Variants in NDUFS6 observed in about 807,000 individuals in gnomAD.
NDUFS6 encodes NADH:ubiquinone oxidoreductase subunit S6, also known as NADH dehydrogenase [ubiquinone] iron-sulfur protein 6, mitochondrial.
NDUFS6 carries 14 observed loss-of-function variants against 13.2 expected under a neutral mutation model. That is an observed-to-expected ratio of 1.06 (90% CI 0.70 to 1.66). NDUFS6 has a LOEUF of 1.66. NDUFS6 is among the 40% of genes most tolerant of loss of function. The pLI is 0.00. For synonymous variants in NDUFS6, 95 were observed against 72.3 expected, an observed-to-expected ratio of 1.31 and a Z score of -1.60; for missense variants, 206 against 170.8, an observed-to-expected ratio of 1.21 and a Z score of -1.15.
At chr5:1,810,327 T>A (rs1047341816) in intron 2 of NDUFS6, among the ~76,000 whole-genome samples, 1 of 152,238 alleles carries the variant, frequency 6.6e-6, no homozygotes, top group African/African-American at 2.4e-5. Context: ...ATCCCTGGGC[T>A]TAGAGGCCTG....
chr5:1,805,556 C>T (rs1008642354), intron 2 of NDUFS6, among the ~76,000 whole-genome samples: 9 of 152,212 alleles, frequency 5.9e-5, no homozygotes, highest in Admixed American at 2.6e-4. Context: ...ATGTGCCAGC[C>T]ACCCCCAGCC....
Position 1,816,007 on chromosome 5 carries a change from G to A in NDUFS6, c.*91G>A. The A allele has an allele frequency of 2.2e-6, 3 of 1,352,854 alleles. No homozygotes were observed. The highest frequency in any genetic ancestry group is 3.2e-6 in the Non-Finnish European group (3 of 941,690). 83.8% of individuals were successfully genotyped at this position (1,352,854 alleles called of 1,614,324 possible). A position where few individuals can be genotyped will look rare whatever the true frequency, so the allele number is the denominator to read the frequency against. Reference sequence around the variant, plus strand: ...GAAGCTCGCTGGTTCTGTGCGAAGGGTATTCCTGGTGCTGAATAAAGGGTG... The same window carrying A: ...GAAGCTCGCTGGTTCTGTGCGAAGGATATTCCTGGTGCTGAATAAAGGGTG... On this transcript the variant is annotated 3_prime_UTR_variant, in exon 4 of 4. Transcript: ENST00000274137.
At chr5:1,813,045 C>G (rs549353680) in intron 2 of NDUFS6, among the ~76,000 whole-genome samples, 1 of 147,486 alleles carries the variant, frequency 6.8e-6, no homozygotes, top group Admixed American at 6.6e-5. Flanking sequence ...GAGTGAGACT[C>G]TGTCTCAAAA....
intron 2 of NDUFS6, among the ~76,000 whole-genome samples, chr5:1,811,528 A>G (rs1371755563): frequency 2.0e-5 from 3 of 152,224 alleles, no homozygotes; most frequent in African/African-American, 7.2e-5. Flanking sequence ...TCCTACATGC[A>G]GCTGTTGGTG....
rs2111361413 is a variant in NDUFS6, at chr5:1,814,027, G to A, written c.187-312G>A. Among the ~76,000 whole-genome samples the A allele has an allele frequency of 6.6e-6, 1 of 152,350 alleles. No individual in the cohort carries two copies. The stretch of plus-strand genomic sequence containing the variant: ...GTCCTCAGGTGGGACAGAACGATGT[G>A]GTGGGGAGAAGAGGGCGTGGCAGAG... On this transcript the variant is annotated intron_variant, in intron 2 of 3. Coordinates refer to ENST00000274137, the MANE Select transcript of NDUFS6 (RefSeq NM_004553.6). This position sits in a 1 kb window ranked among gnomAD's most constrained non-coding sequence, Gnocchi z 4.9.
At chr5:1,802,260 A>G (rs1390318532) in intron 1 of NDUFS6, 61 bp from the exon 2 acceptor site, 6 of 1,434,570 alleles carry the variant, frequency 4.2e-6, no homozygotes, top group Non-Finnish European at 5.9e-6. Context: ...TATGATTGAT[A>G]TGAAGTGACT....
intron 2 of NDUFS6, among the ~76,000 whole-genome samples, chr5:1,804,338 T>G (rs1241525133): frequency 6.6e-6 from 1 of 152,234 alleles, no homozygotes; most frequent in African/African-American, 2.4e-5. Flanking sequence ...TGGTTTCTGG[T>G]TGGTGTAGCA....
chr5:1,801,794 C>T (rs1304976224), intron 1 of NDUFS6, among the ~76,000 whole-genome samples: 2 of 152,268 alleles, frequency 1.3e-5, no homozygotes, highest in Non-Finnish European at 2.9e-5. Flanking sequence ...CCCCAGCGGG[C>T]AGCACTTGCT....
At chr5:1,809,543 C>G (rs1189603900) in intron 2 of NDUFS6, among the ~76,000 whole-genome samples, 1 of 152,212 alleles carries the variant, frequency 6.6e-6, no homozygotes, top group Non-Finnish European at 1.5e-5. Context: ...GATGGGCGGT[C>G]AGGGTCACCC....
intron 1 of NDUFS6, chr5:1,802,003 G>A (rs1035536830): frequency 1.7e-5 from 7 of 421,796 alleles, no homozygotes; most frequent in African/African-American, 8.1e-5. Context: ...TTAATGGGGG[G>A]ATAGTAAAGC....
intron 2 of NDUFS6, among the ~76,000 whole-genome samples, chr5:1,808,911 CTTTATTTTAAACT>C (rs1734168861): frequency 6.6e-6 from 1 of 152,196 alleles, no homozygotes; most frequent in Admixed American, 6.5e-5. Context: ...TGAGCTTTTA[CTTTATTTTAAACT>C]TTTATTTTAA....
In NDUFS6 at chr5:1,801,516, G is replaced by A; in HGVS notation, c.99G>A (p.Ser33=). ...CCAGGTGTTTCGGGGTGCGGGTCTC[G>A]CCGACCGGGGAGAAGGTCACGCACA... ...LGARCFGVRV[S]PTGEKVTHTG... is the part of the protein sequence containing the mutation. The change falls in exon 1 of 4, where the codon TCG becomes TCA. Residue 33 remains serine (S), a synonymous_variant. Transcript: ENST00000274137. 6.3e-7 allele frequency: 1 copy of A among 1,596,794 alleles called. No individual in the cohort carries two copies. The highest frequency in any genetic ancestry group is 1.7e-5 in the Admixed American group (1 of 59,308).
rs36074605 is a variant in NDUFS6, at chr5:1,814,281, TTGTA to T, written c.187-53_187-50del. 0.83 allele frequency: 1,344,971 copies of T among 1,611,678 alleles called. 572,845 individuals are homozygous for T. The highest frequency in any genetic ancestry group is 0.88 in the Non-Finnish European group (1,033,971 of 1,178,228). ...ATGAATTTGTGTGTGGTGGGTTAAA[TTGTA>T]TGTAGTTAGCAAGTTTGTGTATTTG... On this transcript the variant is annotated intron_variant, in intron 2 of 3. Coordinates refer to ENST00000274137, the MANE Select transcript of NDUFS6 (RefSeq NM_004553.6). The surrounding 1 kb of genome is among the most constrained non-coding windows in gnomAD (Gnocchi z 4.9).
chr5:1,810,880 G>C (rs1246439459), intron 2 of NDUFS6, among the ~76,000 whole-genome samples: 1 of 152,096 alleles, frequency 6.6e-6, no homozygotes, highest in Non-Finnish European at 1.5e-5. Flanking sequence ...AAATTTATCT[G>C]TATGTAAGTT....
At chr5:1,812,244 G>T (rs971325803) in intron 2 of NDUFS6, among the ~76,000 whole-genome samples, 3 of 152,052 alleles carry the variant, frequency 2.0e-5, no homozygotes, top group Non-Finnish European at 4.4e-5. Context: ...TGTGAGGGCA[G>T]CCAGAATCCT....
At chr5:1,813,294 C>T (rs1292197064) in intron 2 of NDUFS6, among the ~76,000 whole-genome samples, 3 of 152,186 alleles carry the variant, frequency 2.0e-5, no homozygotes, top group Non-Finnish European at 2.9e-5. Flanking sequence ...GTTGGGAATT[C>T]CTTAGGTCCA....
In NDUFS6 at chr5:1,801,560, C is replaced by A; in HGVS notation, c.132+11C>A. ...ACGCACACTGGCCAGGTAACGGCCG[C>A]TGGGTACAGGATGCACCTTCCTCCA... On this transcript the variant is annotated intron_variant, in intron 1 of 3. Transcript: ENST00000274137. 1 of 1,576,576 alleles carries A rather than the reference C, an allele frequency of 6.3e-7. No homozygotes were observed. The highest frequency in any genetic ancestry group is 1.8e-5 in the Admixed American group (1 of 56,576).
Position 1,802,309 on chromosome 5 carries a change from GT to G in NDUFS6, c.133-5del. ...CGTAAAAGTCACACATGGTCTTTTT[GT>G]TTTTTTCCAGGTTTATGATGATAAA... On this transcript the variant is annotated splice_polypyrimidine_tract_variant and intron_variant, in intron 1 of 3. Coordinates refer to ENST00000274137, the MANE Select transcript of NDUFS6 (RefSeq NM_004553.6). 1.9e-6 allele frequency: 3 copies of G among 1,613,116 alleles called. No individual in the cohort carries two copies. Among genetic ancestry groups the G allele is most frequent in the Non-Finnish European group, 2.5e-6 (3 of 1,179,380 alleles).
At position 1,802,239 on chromosome 5, in the gene NDUFS6, C is replaced by G. The variant is rs115621822; in HGVS notation, c.133-82C>G. ...GCCTAAAAGTTAAGAAAAACACTTTCCTGTAATATTTATGATTGATATGAA... is the reference window on the plus strand; with the variant it reads ...GCCTAAAAGTTAAGAAAAACACTTTGCTGTAATATTTATGATTGATATGAA... On this transcript the variant is annotated intron_variant, in intron 1 of 3. Transcript: ENST00000274137. 1.1e-3 allele frequency: 1,432 copies of G among 1,311,510 alleles called. 11 individuals are homozygous for G. The African/African-American group carries it at 0.017, about 16-fold the overall frequency. 81.2% of individuals were successfully genotyped at this position (1,311,510 alleles called of 1,614,324 possible).
Sources: allele counts gnomAD v4.1 joint callset (sites outside exome capture counted in the v4.1 genomes callset), GRCh38; gene constraint gnomAD v4.1.1; non-coding constraint Gnocchi (gnomAD v3.1); transcripts MANE v1.5; gene names NCBI Gene and HGNC (gene_info 2026-07-23, HGNC 2026-07-21).